The following NAV3 variants were observed in gnomAD, a reference collection of about 807,000 sequenced individuals.
NAV3 encodes pore membrane and/or filament interacting like protein 1.
NAV3 carries 87 observed loss-of-function variants against 244.7 expected under a neutral mutation model. The observed-to-expected ratio is 0.36, with a 90% CI of 0.30 to 0.42. The LOEUF is 0.42. Among genes scored for constraint, NAV3 ranks in the 20% least tolerant of loss-of-function variants. NAV3 has a pLI of 1.00. For synonymous variants in NAV3, 1,126 were observed against 1,042.2 expected (o/e 1.08, Z -1.55); for missense variants, 2,663 against 2,893.3 (o/e 0.92, Z 1.83).
At chr12:77,792,219 A>T (rs989138168) in intron 2 of NAV3, among the ~76,000 whole-genome samples, 1 of 152,138 alleles carries the variant, frequency 6.6e-6, no homozygotes, top group Admixed American at 6.5e-5. Flanking sequence ...ATCCTCCTAC[A>T]TGTAGCAAGT....
intron 2 of NAV3, among the ~76,000 whole-genome samples, chr12:77,781,459 A>G (rs1209110562): frequency 6.6e-5 from 10 of 152,110 alleles, no homozygotes; most frequent in Non-Finnish European, 1.3e-4. Flanking sequence ...AACTCTTTCA[A>G]CCAATTGCCA....
intron 2 of NAV3, among the ~76,000 whole-genome samples, chr12:77,808,959 G>C (rs1872138670): frequency 6.6e-6 from 1 of 152,174 alleles, no homozygotes; most frequent in African/African-American, 2.4e-5. Context: ...TTTTCCGGTG[G>C]CTTTTTTTAC....
rs116381431 is a variant in NAV3, at chr12:77,914,610, C to T, written c.244-25709C>T. On this transcript the variant is annotated intron_variant, in intron 1 of 39. Transcript: ENST00000397909. ...GTTTGCTAGTGCTCTTTGGGATAACCTTTACTTCTTGCTTTTTCACCCCCT... is the reference window on the plus strand; with the variant it reads ...GTTTGCTAGTGCTCTTTGGGATAACTTTTACTTCTTGCTTTTTCACCCCCT... Among the ~76,000 whole-genome samples, 529 of 152,120 alleles carry T rather than the reference C, an allele frequency of 3.5e-3. 4 individuals carry two copies. Among genetic ancestry groups the T allele is most frequent in the African/African-American group, 0.012 (508 of 41,508 alleles).
chr12:77,667,835 G>A (rs888866938), intron 2 of NAV3, among the ~76,000 whole-genome samples: 1 of 152,030 alleles, frequency 6.6e-6, no homozygotes, highest in African/African-American at 2.4e-5. Context: ...CTGTCTGGAG[G>A]CCAACCAACA....
chr12:77,618,713 T>C (rs1443452591), intron 2 of NAV3, among the ~76,000 whole-genome samples: 1 of 152,152 alleles, frequency 6.6e-6, no homozygotes, highest in Admixed American at 6.6e-5. Context: ...TACTTTTATG[T>C]CAGTATTTTA....
intron 2 of NAV3, among the ~76,000 whole-genome samples, chr12:77,803,910 G>T (rs1871840689): frequency 6.6e-6 from 1 of 151,922 alleles, no homozygotes; most frequent in Non-Finnish European, 1.5e-5. Flanking sequence ...ATGTTTTTTG[G>T]CCACATAAAT....
intron 38 of NAV3, among the ~76,000 whole-genome samples, chr12:78,203,950 G>T (rs1594040845): frequency 6.7e-6 from 1 of 150,164 alleles, no homozygotes; most frequent in African/African-American, 2.5e-5. Flanking sequence ...GGATTTATCT[G>T]ATTCTTCCAT....
chr12:77,998,433 T>C lies in NAV3; in HGVS notation c.837T>C (p.Ile279=). The change falls in exon 7 of 40, where the codon ATT becomes ATC. Residue 279 remains isoleucine, a synonymous_variant. Transcript: ENST00000397909. ...GGAGAAGTCAGAGCTTTAACAGCAT[T>C]GACAAAAACAAGCCTCCAAATTATG... ...LNRRSQSFNS[I]DKNKPPNYAN... is the part of the protein sequence containing the mutation. The C allele has an allele frequency of 2.5e-6, 4 of 1,611,762 alleles. No homozygotes were observed. The highest frequency in any genetic ancestry group is 3.4e-6 in the Non-Finnish European group (4 of 1,178,858).
chr12:78,155,498 T>C (rs1200573472), intron 22 of NAV3, among the ~76,000 whole-genome samples: 2 of 152,162 alleles, frequency 1.3e-5, no homozygotes, highest in Non-Finnish European at 2.9e-5. Flanking sequence ...CAGGTATCTT[T>C]ATAATAGAAT....
intron 2 of NAV3, among the ~76,000 whole-genome samples, chr12:77,733,901 A>T (rs2137356294): frequency 6.7e-6 from 1 of 149,780 alleles, no homozygotes; most frequent in African/African-American, 2.5e-5. Flanking sequence ...TTCTAAATAA[A>T]TGAGAGGTGA....
intron 2 of NAV3, among the ~76,000 whole-genome samples, chr12:77,631,740 T>G (rs2136919743): frequency 6.6e-6 from 1 of 152,338 alleles, no homozygotes; most frequent in South Asian, 2.1e-4. Context: ...TTCAACCATT[T>G]TTAACCTTAA....
At chr12:78,044,311 C>T (rs1881390589) in intron 9 of NAV3, among the ~76,000 whole-genome samples, 1 of 152,124 alleles carries the variant, frequency 6.6e-6, no homozygotes, top group African/African-American at 2.4e-5. Flanking sequence ...GGTACCAGTA[C>T]CATGCTGTTT....
At chr12:77,780,833 G>C (rs901004091) in intron 2 of NAV3, among the ~76,000 whole-genome samples, 1 of 152,140 alleles carries the variant, frequency 6.6e-6, no homozygotes, top group African/African-American at 2.4e-5. Flanking sequence ...AGGCCTGTAG[G>C]GGAAGAAACC....
At chr12:78,196,791 GT>G (rs756493809) in intron 34 of NAV3, among the ~76,000 whole-genome samples, 15 of 151,862 alleles carry the variant, frequency 9.9e-5, no homozygotes, top group Non-Finnish European at 8.8e-5. Context: ...AAAAATATTA[GT>G]GGAACCTGAG....
At chr12:78,210,255 A>G (rs1960765887) in intron 39 of NAV3, 143 bp from the exon 40 acceptor site, 1 of 1,290,274 alleles carries the variant, frequency 7.8e-7, no homozygotes, top group African/African-American at 1.5e-5. Context: ...AGCCAGGGGC[A>G]ACGAGTAAAA....
chr12:78,201,626 T>C (rs550584371), intron 38 of NAV3, among the ~76,000 whole-genome samples: 1 of 152,222 alleles, frequency 6.6e-6, no homozygotes, highest in South Asian at 2.1e-4. Flanking sequence ...CCATAAGTAT[T>C]GCTATTTCCT....
rs532488855 is a variant in NAV3, at chr12:77,793,856, G to T, written c.73-146463G>T. 2.1e-3 allele frequency among the ~76,000 whole-genome samples: 320 copies of T among 152,276 alleles called. 3 individuals are homozygous for T. The highest frequency in any genetic ancestry group is 7.4e-3 in the African/African-American group (309 of 41,538). ...ATATACCCAGTAATGGGATCGCTGG[G>T]TCAAATGGTATTTCTGGTTCTAGAT... On this transcript the variant is annotated intron_variant, in intron 2 of 8. Transcript: ENST00000550042.
intron 12 of NAV3, among the ~76,000 whole-genome samples, chr12:78,102,359 T>G (rs745572761): frequency 6.6e-6 from 1 of 152,232 alleles, no homozygotes; most frequent in Non-Finnish European, 1.5e-5. Flanking sequence ...ATCCAGGACA[T>G]GCTGATGCAA....
chr12:77,875,379 C>A (rs1288307032), intron 1 of NAV3, among the ~76,000 whole-genome samples: 1 of 152,048 alleles, frequency 6.6e-6, no homozygotes, highest in Non-Finnish European at 1.5e-5. Context: ...CTCAAAAGAG[C>A]ACCTCCTCAC....
Sources: gnomAD v4.1 joint callset for allele counts (sites outside exome capture counted in the v4.1 genomes callset) on GRCh38, gnomAD v4.1.1 for gene constraint, MANE v1.5 for transcripts, NCBI Gene and HGNC (gene_info 2026-07-23, HGNC 2026-07-21) for gene names.